Variants in EIF4A2 observed in about 807,000 individuals in gnomAD.
EIF4A2 encodes the protein eukaryotic translation initiation factor 4A2.
A neutral mutation model predicts 50.6 loss-of-function variants in EIF4A2; 9 were observed. That is an observed-to-expected ratio of 0.18 (90% CI 0.11 to 0.31). The LOEUF is 0.31. Ranked by LOEUF, EIF4A2 falls within the 10% of genes least tolerant of loss-of-function variation. The pLI, the probability that EIF4A2 is intolerant of heterozygous loss-of-function variation, is 1.00. For missense variants in EIF4A2, 182 were observed against 501.8 expected, an observed-to-expected ratio of 0.36 and a Z score of 6.09; for synonymous variants, 215 against 164.4, an observed-to-expected ratio of 1.31 and a Z score of -2.35.
chr3:186,784,840 A>G (rs747674776), intron 3 of EIF4A2, 122 bp from the exon 4 acceptor site: 25 of 1,596,494 alleles, frequency 1.6e-5, no homozygotes, highest in Middle Eastern at 1.7e-4. Flanking sequence ...CCTGAAATGA[A>G]GAGAATACTC....
At position 186,784,630 on chromosome 3, in the gene EIF4A2, A is replaced by C; in HGVS notation, c.142A>C (p.Ile48Leu). ...MNLKESLLRG[I>L]YAYGFEKPSA... Reference sequence around the variant, plus strand: ...TTTAAAGGAGTCTCTCCTTCGTGGCATCTATGCTTACGGTTTTGAGAAGCC... The same window carrying C: ...TTTAAAGGAGTCTCTCCTTCGTGGCCTCTATGCTTACGGTTTTGAGAAGCC... The change falls in exon 3 of 11, where the codon ATC becomes CTC. Residue 48 changes from isoleucine (I) to leucine (L), a missense_variant. Around this residue, in one of 7 missense-constraint regions of EIF4A2, gnomAD observed 113 missense variants for 357.3 expected, o/e 0.32. Coordinates refer to ENST00000323963, the MANE Select transcript of EIF4A2 (RefSeq NM_001967.4). 6.2e-7 allele frequency: 1 copy of C among 1,614,250 alleles called. No individual in the cohort carries two copies.
At chr3:186,784,129 C>T in intron 1 of EIF4A2, 2 of 512,122 alleles carry the variant, frequency 3.9e-6, no homozygotes, top group Non-Finnish European at 7.0e-6. Context: ...GGCCGCTCCG[C>T]CCGCGTCAAT....
chr3:186,788,950 A>T, intron 10 of EIF4A2, 175 bp from the exon 11 acceptor site: 1 of 833,210 alleles, frequency 1.2e-6, no homozygotes, highest in Non-Finnish European at 1.7e-6. Flanking sequence ...TTTGGCACTA[A>T]CTGCAAAGGA....
rs926095586 is a variant in EIF4A2 at position 186,789,475 on chromosome 3, G to A, written c.*206G>A. 5.7e-6 allele frequency: 3 copies of A among 528,958 alleles called. No individual in the cohort carries two copies. Among genetic ancestry groups the A allele is most frequent in the South Asian group, 4.4e-5 (1 of 22,518 alleles). 32.8% of individuals were successfully genotyped at this position (528,958 alleles called of 1,614,324 possible). A position where few individuals can be genotyped will look rare whatever the true frequency, so the allele number is the denominator to read the frequency against. ...GCTTTATCCTCTTTAGAGTTAGACT[G>A]TTGGGGTGGGTATAAAAGATGGGGT... On this transcript the variant is annotated 3_prime_UTR_variant, in exon 11 of 11. Transcript: ENST00000323963.
chr3:186,787,951 G>A (rs1721845680), intron 10 of EIF4A2, 69 bp downstream of exon 10: 1 of 1,491,734 alleles, frequency 6.7e-7, no homozygotes, highest in Non-Finnish European at 9.3e-7. Context: ...TTGTATGAAA[G>A]GTAACATCAA....
intron 2 of EIF4A2, 30 bp from the exon 3 acceptor site, chr3:186,784,530 CATTT>C: frequency 6.2e-7 from 1 of 1,614,162 alleles, no homozygotes; most frequent in Non-Finnish European, 8.5e-7. Flanking sequence ...GTGTTCATCT[CATTT>C]ATGCGTGCAT....
At chr3:186,785,145 G>A in intron 4 of EIF4A2, 44 bp downstream of exon 4, 1 of 1,607,458 alleles carries the variant, frequency 6.2e-7, no homozygotes, top group Non-Finnish European at 8.5e-7. Context: ...GTGTTGCATA[G>A]GTTTCAGGTT....
At chr3:186,788,868 C>T (rs1560087385) in intron 10 of EIF4A2, 2 of 427,466 alleles carry the variant, frequency 4.7e-6, no homozygotes, top group Non-Finnish European at 8.2e-6. Flanking sequence ...ACGATACTGT[C>T]ATCTGCTTTA....
At position 186,789,368 on chromosome 3, in the gene EIF4A2, C is replaced by T; in HGVS notation, c.*99C>T. Reference sequence around the variant, plus strand: ...TTCTTTGGGAATATTTGAATCTTGTCTCAATGCTCATAACGGATCAGAAAT... The same window carrying T: ...TTCTTTGGGAATATTTGAATCTTGTTTCAATGCTCATAACGGATCAGAAAT... On this transcript the variant is annotated 3_prime_UTR_variant, in exon 11 of 11. Transcript: ENST00000323963. The T allele has an allele frequency of 5.4e-6, 8 of 1,476,944 alleles. No homozygotes were observed. The highest frequency in any genetic ancestry group is 7.3e-6 in the Non-Finnish European group (8 of 1,099,848). The allele number at this position is 1,476,944 out of a possible 1,614,324, so 91.5% of individuals were successfully genotyped here.
At chr3:186,786,436 C>T in intron 6 of EIF4A2, 66 bp from the exon 7 acceptor site, 1 of 1,583,326 alleles carries the variant, frequency 6.3e-7, no homozygotes, top group Non-Finnish European at 8.6e-7. Flanking sequence ...AGACGCTTGG[C>T]TTCAGACATT....
rs1322992089 is a variant in EIF4A2 at position 186,786,609 on chromosome 3, A to G, written c.735A>G (p.Glu245=). 2 of 1,613,980 alleles carry G rather than the reference A, an allele frequency of 1.2e-6. No homozygotes were observed. The highest frequency in any genetic ancestry group is 2.7e-5 in the African/African-American group (2 of 74,942). Residue 245 remains glutamate (E), a synonymous_variant, in exon 7 of 11, where the codon GAA becomes GAG. Coordinates refer to ENST00000323963, the MANE Select transcript of EIF4A2 (RefSeq NM_001967.4). ...ILVKKEELTL[E]GIKQFYINVE... The stretch of plus-strand genomic sequence containing the variant: ...TGAAAAAGGAAGAATTGACCCTTGA[A>G]GGAATCAAACAGTTTTATATTAATG...
chr3:186,787,983 A>AGT (rs1333298597), intron 10 of EIF4A2, 101 bp downstream of exon 10: 5 of 1,247,792 alleles, frequency 4.0e-6, no homozygotes, highest in South Asian at 1.3e-5. Context: ...GATTCAGTAA[A>AGT]GTCAGTAGTG....
intron 3 of EIF4A2, 74 bp downstream of exon 3, chr3:186,784,770 G>A: frequency 6.2e-7 from 1 of 1,607,788 alleles, no homozygotes; most frequent in Non-Finnish European, 8.5e-7. Context: ...AACCTCTGGG[G>A]GACTAGCACC....
intron 10 of EIF4A2, chr3:186,788,673 G>GA (rs889947616): frequency 1.5e-4 from 35 of 229,704 alleles, no homozygotes; most frequent in African/African-American, 6.7e-4. Flanking sequence ...TTTCCCACTG[G>GA]AAAAAAGTAA....
Position 186,789,266 on chromosome 3 carries a change from T to C in EIF4A2, c.1221T>C (p.Ile407=). 6.2e-7 allele frequency: 1 copy of C among 1,606,016 alleles called. No homozygotes were observed. The highest frequency in any genetic ancestry group is 8.5e-7 in the Non-Finnish European group (1 of 1,176,758). Residue 407 remains isoleucine (I), a synonymous_variant, in exon 11 of 11, where the codon ATT becomes ATC. Transcript: ENST00000323963. The part of the protein sequence containing the change: ...EEMPMNVADL[I] Reference sequence around the variant, plus strand: ...TGCCCATGAATGTGGCTGACCTTATTTAATTCCTGGGATGAGAGTTTTGGA... The same window carrying C: ...TGCCCATGAATGTGGCTGACCTTATCTAATTCCTGGGATGAGAGTTTTGGA...
In EIF4A2 at chr3:186,784,399, A is replaced by AG. The variant is rs1326471572; in HGVS notation, c.30-29dup. The AG allele has an allele frequency of 3.7e-6, 6 of 1,614,164 alleles. No homozygotes were observed. In the Admixed American group the frequency reaches 8.3e-5, roughly 22 times the overall value. ...TAAGGTGCAGTTGAGGTGGCCTGGA[A>AG]GGGGTGTCTGACTGCAGTATTCTTG... On this transcript the variant is annotated intron_variant, in intron 1 of 10. Transcript: ENST00000323963.
At chr3:186,787,043 C>T (rs1579163225) in intron 7 of EIF4A2, 84 bp from the exon 8 acceptor site, 1 of 1,561,856 alleles carries the variant, frequency 6.4e-7, no homozygotes, top group Non-Finnish European at 8.7e-7. Context: ...CAGGCATTAG[C>T]ACTGTGGCTG....
rs754593091 is a variant in EIF4A2 at position 186,783,626 on chromosome 3, G to C, written c.16G>C (p.Ala6Pro). 1 of 1,614,170 alleles carries C rather than the reference G, an allele frequency of 6.2e-7. No homozygotes were observed. Among genetic ancestry groups the C allele is most frequent in the Non-Finnish European group, 8.5e-7 (1 of 1,180,036 alleles). Residue 6 changes from alanine (A) to proline (P), a missense_variant, in exon 1 of 11, where the codon GCG becomes CCG. Physicochemically the swap from Ala to Pro is conservative, Grantham distance 27. Coordinates refer to ENST00000323963, the MANE Select transcript of EIF4A2 (RefSeq NM_001967.4). MSGGS[A>P]DYNREHGGPE... is the part of the protein sequence containing the mutation. Reference sequence around the variant, plus strand: ...TTTTCGGATCATGTCTGGTGGCTCCGCGGATTATAACAGGTATGCAGTCTG... The same window carrying C: ...TTTTCGGATCATGTCTGGTGGCTCCCCGGATTATAACAGGTATGCAGTCTG...
rs747497696 is a variant in EIF4A2, at chr3:186,784,749, A to G, written c.208+53A>G. 18 of 1,610,586 alleles carry G rather than the reference A, an allele frequency of 1.1e-5. No individual in the cohort carries two copies. In the African/African-American group the frequency reaches 2.3e-4, roughly 20 times the overall value. On this transcript the variant is annotated intron_variant, in intron 3 of 10. Coordinates refer to ENST00000323963, the MANE Select transcript of EIF4A2 (RefSeq NM_001967.4). Reference sequence around the variant, plus strand: ...TTGTTCTACATAGACATGAACCATAAAAGGGAAAGTAACCTCTGGGGGACT... The same window carrying G: ...TTGTTCTACATAGACATGAACCATAGAAGGGAAAGTAACCTCTGGGGGACT...
Sources: allele counts gnomAD v4.1 joint callset, GRCh38; gene constraint gnomAD v4.1.1; regional missense constraint gnomAD v4.1.1; transcripts MANE v1.5; gene names NCBI Gene and HGNC (gene_info 2026-07-23, HGNC 2026-07-21).